Variants in TMEM132B observed in about 807,000 individuals in gnomAD.
The protein encoded by TMEM132B is transmembrane protein 132B.
In TMEM132B, 18 loss-of-function variants were observed where a neutral mutation model predicts 90.8. That is an observed-to-expected ratio of 0.20 (90% CI 0.14 to 0.29). The LOEUF (loss-of-function observed/expected upper bound fraction) is 0.29. Ranked by LOEUF, TMEM132B falls within the 10% of genes least tolerant of loss-of-function variation. TMEM132B has a pLI of 1.00. For synonymous variants in TMEM132B, 504 were observed against 523.3 expected (o/e 0.96, Z 0.50); for missense variants, 1,096 against 1,326.8 (o/e 0.83, Z 2.70).
rs1188625310 is a variant in TMEM132B at position 125,326,730 on chromosome 12, A to C, written c.68-22722A>C. 15 of 1,553,298 alleles carry C rather than the reference A, an allele frequency of 9.7e-6. No homozygotes were observed. In the African/African-American group the frequency reaches 1.9e-4, roughly 20 times the overall value. ...CCAGGACAGGGATGGGACCAGACCC[A>C]AGGGGAGGTTTTCCTATGTCCTATT... On this transcript the variant is annotated intron_variant, in intron 1 of 8. Coordinates refer to ENST00000682704, the MANE Select transcript of TMEM132B (RefSeq NM_001366854.1).
intron 2 of TMEM132B, among the ~76,000 whole-genome samples, chr12:125,356,643 C>T (rs1449158805): frequency 6.6e-6 from 1 of 152,232 alleles, no homozygotes; most frequent in African/African-American, 2.4e-5. Context: ...TTGAGGTCTC[C>T]CTGCCTCCAT....
chr12:125,398,083 A>G (rs2136314835), intron 2 of TMEM132B, among the ~76,000 whole-genome samples: 1 of 152,296 alleles, frequency 6.6e-6, no homozygotes, highest in African/African-American at 2.4e-5. Context: ...CATTGGGGGC[A>G]GGCAGGGGTG....
chr12:125,249,097 G>A (rs896038629), intron 1 of TMEM132B, among the ~76,000 whole-genome samples: 2 of 152,106 alleles, frequency 1.3e-5, no homozygotes, highest in Non-Finnish European at 2.9e-5. Flanking sequence ...ACTTGGGATC[G>A]GTAAGACTTG....
At chr12:125,466,343 C>T (rs1881562211) in intron 3 of TMEM132B, among the ~76,000 whole-genome samples, 1 of 152,304 alleles carries the variant, frequency 6.6e-6, no homozygotes, top group East Asian at 1.9e-4. Flanking sequence ...GAGAAGGCAG[C>T]TCAGAGCATG....
At chr12:125,210,934 G>A (rs1394520311) in intron 1 of TMEM132B, among the ~76,000 whole-genome samples, 1 of 152,192 alleles carries the variant, frequency 6.6e-6, no homozygotes, top group East Asian at 1.9e-4. Context: ...CTGCACTCTA[G>A]CCTGGGTGAC....
At chr12:125,295,155 G>A (rs1875636515) in intron 1 of TMEM132B, among the ~76,000 whole-genome samples, 1 of 152,222 alleles carries the variant, frequency 6.6e-6, no homozygotes, top group African/African-American at 2.4e-5. Flanking sequence ...AACTAAAGTT[G>A]CCAGTTAGTT....
intron 1 of TMEM132B, among the ~76,000 whole-genome samples, chr12:125,263,341 A>G (rs535603933): frequency 1.6e-4 from 25 of 152,344 alleles, no homozygotes; most frequent in African/African-American, 6.0e-4. Context: ...TGCATGTGGC[A>G]TTGTGCAAGC....
At chr12:125,493,049 C>T (rs959621294) in intron 3 of TMEM132B, among the ~76,000 whole-genome samples, 2 of 152,112 alleles carry the variant, frequency 1.3e-5, no homozygotes, top group African/African-American at 2.4e-5. Context: ...ACGTCACCTG[C>T]GACCTGGAAA....
At chr12:125,443,101 C>A (rs981393613) in intron 3 of TMEM132B, among the ~76,000 whole-genome samples, 1 of 152,238 alleles carries the variant, frequency 6.6e-6, no homozygotes, top group South Asian at 2.1e-4. Flanking sequence ...AGCACAGAGT[C>A]TCTGAGCAGC....
chr12:125,345,379 A>G (rs1877322889), intron 1 of TMEM132B, among the ~76,000 whole-genome samples: 1 of 152,108 alleles, frequency 6.6e-6, no homozygotes, highest in African/African-American at 2.4e-5. Context: ...TTCACATTGT[A>G]CCATCTTGGG....
At chr12:125,532,160 G>GA (rs1331118714) in intron 4 of TMEM132B, among the ~76,000 whole-genome samples, 2 of 152,314 alleles carry the variant, frequency 1.3e-5, no homozygotes, top group African/African-American at 4.8e-5. Context: ...CTCTATTTGG[G>GA]AAAACCTTTG....
chr12:125,357,734 T>A (rs1877826451), intron 2 of TMEM132B, among the ~76,000 whole-genome samples: 1 of 152,180 alleles, frequency 6.6e-6, no homozygotes, highest in East Asian at 1.9e-4. Flanking sequence ...ATCAGAGGCT[T>A]AAAGGAGACC....
At chr12:125,499,515 A>G (rs1247845617) in intron 3 of TMEM132B, among the ~76,000 whole-genome samples, 1 of 152,202 alleles carries the variant, frequency 6.6e-6, no homozygotes, top group African/African-American at 2.4e-5. Flanking sequence ...GAGGTTTCAC[A>G]TCACCAAGAT....
At chr12:125,348,499 GT>G (rs10570406) in intron 1 of TMEM132B, among the ~76,000 whole-genome samples, 38,531 of 136,630 alleles carry the variant, frequency 0.28, 5,577 homozygotes, top group African/African-American at 0.49. Flanking sequence ...TAATTTTTGT[GT>G]TTTTTTTTTT....
At chr12:125,631,466 G>A (rs2136996282) in intron 5 of TMEM132B, among the ~76,000 whole-genome samples, 1 of 152,168 alleles carries the variant, frequency 6.6e-6, no homozygotes, top group East Asian at 1.9e-4. Flanking sequence ...TATTCTGCAG[G>A]CTTTGGATAA....
At chr12:125,384,106 C>G (rs969837343) in intron 2 of TMEM132B, among the ~76,000 whole-genome samples, 1 of 152,068 alleles carries the variant, frequency 6.6e-6, no homozygotes, top group Non-Finnish European at 1.5e-5. Flanking sequence ...GCCACCATGT[C>G]CGGCTAATTT....
At chr12:125,474,469 T>G (rs1231157237) in intron 3 of TMEM132B, among the ~76,000 whole-genome samples, 1 of 152,036 alleles carries the variant, frequency 6.6e-6, no homozygotes, top group Non-Finnish European at 1.5e-5. Context: ...AATATTTTAT[T>G]TGTAGAGAGG....
chr12:125,588,659 T>C (rs1593008129), intron 5 of TMEM132B, among the ~76,000 whole-genome samples: 1 of 152,176 alleles, frequency 6.6e-6, no homozygotes, highest in East Asian at 1.9e-4. Context: ...CAAAAGACAG[T>C]AGATTTTTTT....
chr12:125,391,424 C>G (rs1177273594), intron 2 of TMEM132B, among the ~76,000 whole-genome samples: 1 of 152,184 alleles, frequency 6.6e-6, no homozygotes, highest in Non-Finnish European at 1.5e-5. Flanking sequence ...AGCTACTCAC[C>G]TTTATATCAC....
Sources: allele counts gnomAD v4.1 joint callset (sites outside exome capture counted in the v4.1 genomes callset), GRCh38; gene constraint gnomAD v4.1.1; transcripts MANE v1.5; gene names NCBI Gene and HGNC (gene_info 2026-07-23, HGNC 2026-07-21).